Variants in BCOR observed in about 807,000 individuals in gnomAD.
BCOR encodes the protein BCL-6 corepressor.
In BCOR, 10 loss-of-function variants were observed where a neutral mutation model predicts 86.7. The observed-to-expected ratio is 0.12, with a 90% confidence interval of 0.07 to 0.20. BCOR has a LOEUF of 0.20. BCOR is among the 10% of genes least tolerant of loss of function. BCOR has a pLI of 1.00. For synonymous variants in BCOR, 611 were observed against 609.0 expected, an observed-to-expected ratio of 1.00 and a Z score of -0.05; for missense variants, 1,259 against 1,452.1, an observed-to-expected ratio of 0.87 and a Z score of 2.16.
rs944515229 is a variant in BCOR at position 40,087,310 on chromosome X, T to G, written c.-40-9341A>C. Among the ~76,000 whole-genome samples the G allele has an allele frequency of 8.8e-5, 10 of 113,283 alleles. No individual in the cohort carries two copies. In the South Asian group the frequency reaches 3.6e-3, roughly 41 times the overall value. ...TTATGATTTTTGGTTAAGTTGAACA[T>G]TTCCATAATCGTCATTATTAGTGCA... On this transcript the variant is annotated intron_variant, in intron 1 of 14. Transcript: ENST00000378444.
Position 40,170,977 on chromosome X carries a change from C to T in BCOR, c.-41+6030G>A, listed in dbSNP as rs965168578. ...TTACAAAGTGCCTTCACATTTTGGT[C>T]CTCAGAAACCCATCCGAGGGGGACA... On this transcript the variant is annotated intron_variant, in intron 1 of 14. Transcript: ENST00000342274. Among the ~76,000 whole-genome samples, 6 of 111,641 alleles carry T rather than the reference C, an allele frequency of 5.4e-5. No individual in the cohort carries two copies. The East Asian group carries it at 1.4e-3, about 26-fold the overall frequency.
chrX:40,121,619 CTT>C (rs1170975098), intron 1 of BCOR, among the ~76,000 whole-genome samples: 1 of 113,076 alleles, frequency 8.8e-6, no homozygotes, highest in African/African-American at 3.2e-5. Flanking sequence ...AATAAGGTAA[CTT>C]TAGATGATGA....
intron 3 of BCOR, among the ~76,000 whole-genome samples, chrX:40,075,845 C>T (rs1474675671): frequency 8.9e-6 from 1 of 112,077 alleles, no homozygotes; most frequent in East Asian, 2.8e-4. Context: ...AACTAGGACA[C>T]CAACTCCAAA....
intron 1 of BCOR, among the ~76,000 whole-genome samples, chrX:40,106,911 C>A (rs1460422738): frequency 9.0e-6 from 1 of 110,749 alleles, no homozygotes; most frequent in Non-Finnish European, 1.9e-5. Context: ...TCTCCCTTCG[C>A]CCCCGAGAGG....
In BCOR at chrX:40,053,981, A is replaced by T. The variant is rs1255958201; in HGVS notation, c.4881T>A (p.Asp1627Glu). The change falls in exon 14 of 15, where the codon GAT becomes GAA. Residue 1627 changes from aspartate to glutamate, a missense_variant. Transcript: ENST00000378444. ...CATCGCTATAGGCATCGTCATCATC[A>T]TCCTGGTCTTCTGGTCCTGGGGGGT... ...LANPPGPEDQDDDDDAYSDVF... is the reference protein window; with the variant it reads ...LANPPGPEDQEDDDDAYSDVF... 2 of 1,209,635 alleles carry T rather than the reference A, an allele frequency of 1.7e-6. No homozygotes were observed. Among genetic ancestry groups the T allele is most frequent in the African/African-American group, 3.5e-5 (2 of 57,152 alleles).
Position 40,097,354 on chromosome X carries a change from G to A in BCOR, c.-180C>T, listed in dbSNP as rs1936940441. 9.1e-6 allele frequency: 1 copy of A among 109,587 alleles called. No homozygotes were observed. Among genetic ancestry groups the A allele is most frequent in the African/African-American group, 3.3e-5 (1 of 30,193 alleles). 9.0% of individuals were successfully genotyped at this position (109,587 alleles called of 1,213,427 possible). On this transcript the variant is annotated 5_prime_UTR_variant, in exon 1 of 15. Coordinates refer to ENST00000378444, the MANE Select transcript of BCOR (RefSeq NM_001123385.2). ...AGAGATATGAGGGGTGGGGGGGGTT[G>A]GCGACGTTAACGAGCGGAGAAGGAG...
At chrX:40,159,474 G>A (rs1938367444) in intron 1 of BCOR, among the ~76,000 whole-genome samples, 1 of 112,119 alleles carries the variant, frequency 8.9e-6, no homozygotes, top group African/African-American at 3.2e-5. Flanking sequence ...GGCCTCCCGA[G>A]TAGCTGGGAC....
At position 40,065,039 on chromosome X, in the gene BCOR, C is replaced by T. The variant is rs186908723; in HGVS notation, c.3239-440G>A. The stretch of plus-strand genomic sequence containing the variant: ...ATGGCAGGCTGATAGGATAAAGTGA[C>T]CAAATATCCCCAAAATGTCATCTAT... On this transcript the variant is annotated intron_variant, in intron 6 of 14. Coordinates refer to ENST00000378444, the MANE Select transcript of BCOR (RefSeq NM_001123385.2). Among the ~76,000 whole-genome samples, 16 of 112,121 alleles carry T rather than the reference C, an allele frequency of 1.4e-4. No individual in the cohort carries two copies. In the East Asian group the frequency reaches 4.2e-3, roughly 29 times the overall value.
intron 1 of BCOR, among the ~76,000 whole-genome samples, chrX:40,155,535 C>A (rs974732383): frequency 6.3e-5 from 7 of 110,406 alleles, no homozygotes; most frequent in Non-Finnish European, 1.3e-4. Context: ...TCTCCTCACC[C>A]AGCCAACAGC....
rs892857458 is a variant in BCOR, at chrX:40,063,643, G to A, written c.3812C>T (p.Ser1271Leu). 11 of 1,210,040 alleles carry A rather than the reference G, an allele frequency of 9.1e-6. No individual in the cohort carries two copies. Among genetic ancestry groups the A allele is most frequent in the South Asian group, 5.3e-5 (3 of 56,723 alleles). ...GTCACTGGGTTTAAGAGACTCTTCCGACCAGCTTCTGTTGCCTTTGGCCTC... is the reference window on the plus strand; with the variant it reads ...GTCACTGGGTTTAAGAGACTCTTCCAACCAGCTTCTGTTGCCTTTGGCCTC... Reference protein sequence around the residue: ...RAEAKGNRSWSEESLKPSDNE... With the variant: ...RAEAKGNRSWLEESLKPSDNE... The change falls in exon 8 of 15, where the codon TCG becomes TTG. Residue 1271 changes from serine to leucine, a missense_variant. Around this residue, in one of 7 missense-constraint regions of BCOR, gnomAD observed 305 missense variants for 286.1 expected, o/e 1.07. Coordinates refer to ENST00000378444, the MANE Select transcript of BCOR (RefSeq NM_001123385.2).
chrX:40,136,581 T>C (rs1465953096), intron 1 of BCOR, among the ~76,000 whole-genome samples: 1 of 112,151 alleles, frequency 8.9e-6, no homozygotes, highest in African/African-American at 3.2e-5. Flanking sequence ...TTATTGCTCA[T>C]GTACTTTTTC....
intron 1 of BCOR, among the ~76,000 whole-genome samples, chrX:40,096,496 C>T (rs910417219): frequency 1.6e-4 from 17 of 107,087 alleles, no homozygotes; most frequent in South Asian, 3.7e-4. Context: ...ACCCCTTGCT[C>T]TGCTCGATTT....
chrX:40,170,433 C>T (rs973730703), intron 1 of BCOR, among the ~76,000 whole-genome samples: 9 of 109,964 alleles, frequency 8.2e-5, no homozygotes, highest in African/African-American at 2.7e-4. Context: ...TCACTGCAAC[C>T]TCTGCCTACC....
intron 1 of BCOR, among the ~76,000 whole-genome samples, chrX:40,111,226 AC>A (rs1184540659): frequency 2.8e-5 from 3 of 108,486 alleles, no homozygotes; most frequent in South Asian, 4.0e-4. Context: ...CTCCACCCTC[AC>A]CCCCCATACC....
At chrX:40,124,207 G>T (rs1028290935) in intron 1 of BCOR, among the ~76,000 whole-genome samples, 12 of 111,423 alleles carry the variant, frequency 1.1e-4, no homozygotes, top group East Asian at 8.4e-4. Flanking sequence ...GCTGAAGCAG[G>T]AGGATCGCTT....
chrX:40,139,251 T>C (rs1433873189), intron 1 of BCOR, among the ~76,000 whole-genome samples: 3 of 100,531 alleles, frequency 3.0e-5, no homozygotes, highest in African/African-American at 1.1e-4. Flanking sequence ...TTTCCAAGGG[T>C]AGGCGTGTTG....
chrX:40,138,849 C>G (rs1223159752), intron 1 of BCOR, among the ~76,000 whole-genome samples: 1 of 111,340 alleles, frequency 9.0e-6, no homozygotes, highest in Non-Finnish European at 1.9e-5. Context: ...GACACCGTGT[C>G]TGGCCCAGGC....
At chrX:40,173,065 T>TG (rs1429349106) in intron 1 of BCOR, among the ~76,000 whole-genome samples, 2 of 112,420 alleles carry the variant, frequency 1.8e-5, no homozygotes, top group African/African-American at 6.5e-5. Flanking sequence ...GGCCAAATGT[T>TG]GGGCCTTCTA....
rs200993481 is a variant in BCOR, at chrX:40,113,826, C to CT, written c.-40-35858dup. ...ATACTTTTTTTTTCTTTCTTTCTTT[C>CT]TTTTTTTTTTGAGATAGAGTCTCAC... is the stretch of plus-strand genomic sequence containing the variant. On this transcript the variant is annotated intron_variant, in intron 1 of 14. Coordinates refer to the BCOR transcript ENST00000342274. 9.9e-3 allele frequency among the ~76,000 whole-genome samples: 907 copies of CT among 91,811 alleles called. 4 individuals are homozygous for CT. Among genetic ancestry groups the CT allele is most frequent in the African/African-American group, 0.039 (703 of 18,169 alleles). 79.7% of individuals were successfully genotyped at this position (91,811 alleles called of 115,157 possible).
Sources: allele counts gnomAD v4.1 joint callset (sites outside exome capture counted in the v4.1 genomes callset), GRCh38; gene constraint gnomAD v4.1.1; regional missense constraint gnomAD v4.1.1; transcripts MANE v1.5; gene names NCBI Gene and HGNC (gene_info 2026-07-23, HGNC 2026-07-21).